SNX14: variants seen among roughly 807,000 people sequenced by gnomAD.
SNX14 encodes sorting nexin 14.
A neutral mutation model predicts 133.8 loss-of-function variants in SNX14; 93 were observed. The ratio of observed to expected loss-of-function variants is 0.70; its 90% CI spans 0.59 to 0.83. The LOEUF (loss-of-function observed/expected upper bound fraction) is 0.83, where lower values mean the gene tolerates loss of function less well. Among genes scored for constraint, SNX14 ranks in the 40% least tolerant of loss-of-function variants. The pLI, the probability that SNX14 is intolerant of heterozygous loss-of-function variation, is 0.00. For synonymous variants in SNX14, 368 were observed against 365.6 expected (o/e 1.01, Z -0.07); for missense variants, 945 against 1,094.9 (o/e 0.86, Z 1.93).
chr6:85,517,961 T>C lies in SNX14; in HGVS notation c.2148+47A>G, dbSNP rs371281917. The C allele has an allele frequency of 3.2e-4, 504 of 1,577,254 alleles. 2 individuals are homozygous for C. The highest frequency in any genetic ancestry group is 2.5e-4 in the Non-Finnish European group (292 of 1,162,900). Reference sequence around the variant, plus strand: ...AGCAAAATTTATCAATATTTAAATATGTTTATGATTATCATGTTATAGAAC... The same window carrying C: ...AGCAAAATTTATCAATATTTAAATACGTTTATGATTATCATGTTATAGAAC... On this transcript the variant is annotated intron_variant, in intron 22 of 28. Coordinates refer to ENST00000314673, the MANE Select transcript of SNX14 (RefSeq NM_153816.6).
At chr6:85,539,480 G>A (rs1782938688) in intron 15 of SNX14, among the ~76,000 whole-genome samples, 1 of 152,026 alleles carries the variant, frequency 6.6e-6, no homozygotes, top group Admixed American at 6.5e-5. Flanking sequence ...AGTATACAAT[G>A]AAACAGAGAA....
At chr6:85,527,726 AT>A (rs1345191997) in intron 20 of SNX14, among the ~76,000 whole-genome samples, 1 of 152,158 alleles carries the variant, frequency 6.6e-6, no homozygotes, top group Non-Finnish European at 1.5e-5. Context: ...TTTTAACATA[AT>A]GTAACGTGCA....
intron 21 of SNX14, among the ~76,000 whole-genome samples, chr6:85,521,379 T>C (rs1477391025): frequency 6.6e-6 from 1 of 152,120 alleles, no homozygotes; most frequent in Non-Finnish European, 1.5e-5. Context: ...GGATTACACA[T>C]GCACACCACC....
chr6:85,506,037 A>C, intron 28 of SNX14, 32 bp from the exon 29 acceptor site: 1 of 1,416,462 alleles, frequency 7.1e-7, no homozygotes, highest in Non-Finnish European at 1.0e-6. Context: ...TTAATAGAAG[A>C]CAAGACACAG....
chr6:85,547,270 T>A (rs753699861), intron 11 of SNX14, 44 bp from the exon 12 acceptor site: 1 of 1,611,154 alleles, frequency 6.2e-7, no homozygotes, highest in South Asian at 1.1e-5. Context: ...ATAAATGAGT[T>A]CTAAAATTGT....
intron 23 of SNX14, 142 bp from the exon 24 acceptor site, chr6:85,514,771 T>C: frequency 1.5e-6 from 1 of 678,594 alleles, no homozygotes; most frequent in Non-Finnish European, 2.2e-6. Flanking sequence ...TAATATATGC[T>C]TCTAAAATTC....
intron 7 of SNX14, among the ~76,000 whole-genome samples, chr6:85,553,969 T>C (rs1205552470): frequency 6.6e-6 from 1 of 151,794 alleles, no homozygotes; most frequent in Non-Finnish European, 1.5e-5. Context: ...AAATCCAAGG[T>C]GATAAGAAAT....
chr6:85,515,007 G>A (rs1274425864), intron 23 of SNX14, among the ~76,000 whole-genome samples: 3 of 152,152 alleles, frequency 2.0e-5, no homozygotes, highest in Admixed American at 1.3e-4. Flanking sequence ...GCTCACGCCT[G>A]TAATCTCAGC....
At chr6:85,557,079 T>C (rs28718038) in intron 7 of SNX14, among the ~76,000 whole-genome samples, 1 of 152,174 alleles carries the variant, frequency 6.6e-6, no homozygotes, top group Non-Finnish European at 1.5e-5. Flanking sequence ...CTCCTACCTA[T>C]GGGAATTTCT....
At chr6:85,521,437 CACTT>C (rs1383559985) in intron 21 of SNX14, among the ~76,000 whole-genome samples, 1 of 152,022 alleles carries the variant, frequency 6.6e-6, no homozygotes, top group Non-Finnish European at 1.5e-5. Context: ...GACAGAGTCT[CACTT>C]ACGTTGCCCA....
At chr6:85,507,108 G>T in intron 28 of SNX14, 125 bp downstream of exon 28, 1 of 829,494 alleles carries the variant, frequency 1.2e-6, no homozygotes, top group Non-Finnish European at 1.9e-6. Context: ...AATTTGCTGA[G>T]GTTAATTTTT....
rs1790313296 is a variant in SNX14 at position 85,558,051 on chromosome 6, G to C, written c.559C>G (p.Pro187Ala). 6.5e-7 allele frequency: 1 copy of C among 1,534,846 alleles called. No individual in the cohort carries two copies. The highest frequency in any genetic ancestry group is 1.2e-5 in the South Asian group (1 of 86,500). The change falls in exon 7 of 29, where the codon CCA becomes GCA. Residue 187 changes from proline (P) to alanine (A), a missense_variant. Physicochemically the swap from Pro to Ala is conservative, Grantham distance 27. Around this residue, in one of 3 missense-constraint regions of SNX14, gnomAD observed 514 missense variants for 538.8 expected, o/e 0.95. Transcript: ENST00000314673. Reference sequence around the variant, plus strand: ...AATAGTTTCTTGGTTATAATAGATGGAATATCCACCTAGAAAAATTCAAGA... The same window carrying C: ...AATAGTTTCTTGGTTATAATAGATGCAATATCCACCTAGAAAAATTCAAGA... ...LIRRIHKVDI[P>A]SIITKKLLKA...
Position 85,593,563 on chromosome 6 carries a change from C to T in SNX14, c.140+16G>A. ...CGGAGAAAAGCCGCCGCCCAGGCTC[C>T]GCGCTGCGGCGTTACCTGTTAAGAA... On this transcript the variant is annotated intron_variant, in intron 1 of 28. Coordinates refer to ENST00000314673, the MANE Select transcript of SNX14 (RefSeq NM_153816.6). 6.2e-7 allele frequency: 1 copy of T among 1,601,356 alleles called. No individual in the cohort carries two copies. The highest frequency in any genetic ancestry group is 8.5e-7 in the Non-Finnish European group (1 of 1,174,410).
chr6:85,511,197 T>A (rs200313113), intron 26 of SNX14, among the ~76,000 whole-genome samples: 1 of 149,916 alleles, frequency 6.7e-6, no homozygotes, highest in Non-Finnish European at 1.5e-5. Flanking sequence ...GTATTTTTTT[T>A]AATTTCAAAT....
chr6:85,512,153 A>G (rs1773075815), intron 26 of SNX14, among the ~76,000 whole-genome samples: 1 of 152,186 alleles, frequency 6.6e-6, no homozygotes, highest in Non-Finnish European at 1.5e-5. Context: ...CCATCAGGTC[A>G]GTCAGGCTCT....
In SNX14 at chr6:85,558,018, C is replaced by T; in HGVS notation, c.592G>A (p.Ala198Thr). 1.3e-6 allele frequency: 2 copies of T among 1,594,324 alleles called. No individual in the cohort carries two copies. The highest frequency in any genetic ancestry group is 1.3e-5 in the African/African-American group (1 of 74,498). Residue 198 changes from alanine (A) to threonine (T), a missense_variant, in exon 7 of 29, where the codon GCA becomes ACA. Transcript: ENST00000314673. ...SIITKKLLKA[A>T]MKHIEVIVKA... ...ACTATCACTTCTATATGCTTCATTG[C>T]TGCTTTTAATAGTTTCTTGGTTATA...
intron 5 of SNX14, among the ~76,000 whole-genome samples, chr6:85,566,765 T>C (rs1232099214): frequency 6.6e-6 from 1 of 152,008 alleles, no homozygotes; most frequent in Non-Finnish European, 1.5e-5. Flanking sequence ...AGGGTAGATG[T>C]CATTAAACAT....
chr6:85,544,957 G>A (rs1785000683), intron 12 of SNX14, among the ~76,000 whole-genome samples: 1 of 152,172 alleles, frequency 6.6e-6, no homozygotes, highest in African/African-American at 2.4e-5. Flanking sequence ...TTCCACACAT[G>A]TGTAGAAGCC....
At chr6:85,556,038 A>C (rs1789645054) in intron 7 of SNX14, among the ~76,000 whole-genome samples, 1 of 152,128 alleles carries the variant, frequency 6.6e-6, no homozygotes, top group Admixed American at 6.6e-5. Flanking sequence ...GACTTTAGTT[A>C]ATAATGATGT....
Sources: gnomAD v4.1 joint callset for allele counts (sites outside exome capture counted in the v4.1 genomes callset) on GRCh38, gnomAD v4.1.1 for gene constraint, gnomAD v4.1.1 regional missense constraint, MANE v1.5 for transcripts, NCBI Gene and HGNC (gene_info 2026-07-23, HGNC 2026-07-21) for gene names.